GRIN2B: variants seen among roughly 807,000 people sequenced by gnomAD.
The protein encoded by GRIN2B is glutamate receptor ionotropic, NMDA 2B.
GRIN2B carries 5 observed loss-of-function variants against 114.5 expected under a neutral mutation model. The observed-to-expected ratio is 0.04, with a 90% CI of 0.02 to 0.09. The LOEUF (loss-of-function observed/expected upper bound fraction) is 0.09, where lower values mean the gene tolerates loss of function less well. GRIN2B is among the 10% of genes least tolerant of loss of function. The probability of loss-of-function intolerance (pLI) is 1.00; values close to 1 mark genes in which losing one functional copy is unlikely to be tolerated. For synonymous variants in GRIN2B, 787 were observed against 745.1 expected (o/e 1.06, Z -0.92); for missense variants, 1,108 against 1,943.5 (o/e 0.57, Z 8.08).
intron 2 of GRIN2B, among the ~76,000 whole-genome samples, chr12:13,947,831 G>A (rs1037623674): frequency 6.6e-6 from 1 of 152,136 alleles, no homozygotes; most frequent in Non-Finnish European, 1.5e-5. Context: ...GATGAGGCAT[G>A]AGTTGTTCTC....
Position 13,607,347 on chromosome 12 carries a change from TATAAA to T in GRIN2B, c.2010+1251_2010+1255del, listed in dbSNP as rs1949281147. Among the ~76,000 whole-genome samples, 3 of 43,238 alleles carry T rather than the reference TATAAA, an allele frequency of 6.9e-5. No homozygotes were observed. The Admixed American group carries it at 1.3e-3, about 19-fold the overall frequency. 28.4% of individuals were successfully genotyped at this position (43,238 alleles called of 152,430 possible). On this transcript the variant is annotated intron_variant, in intron 10 of 13. Coordinates refer to ENST00000609686, the MANE Select transcript of GRIN2B (RefSeq NM_000834.5). ...TATATAATATATATTATATATAATA[TATAAA>T]ATATATAATATATATTATATATTAT...
intron 8 of GRIN2B, 101 bp from the exon 9 acceptor site, chr12:13,611,951 A>T (rs1346388335): frequency 8.4e-7 from 1 of 1,196,546 alleles, no homozygotes; most frequent in Non-Finnish European, 1.2e-6. Flanking sequence ...TGGGGAACAA[A>T]CCACAATGTG....
chr12:13,580,036 A>C (rs1213028930), intron 10 of GRIN2B, among the ~76,000 whole-genome samples: 1 of 152,194 alleles, frequency 6.6e-6, no homozygotes, highest in Admixed American at 6.5e-5. Flanking sequence ...CTTGTTGAGA[A>C]GTCTTTAAGG....
intron 5 of GRIN2B, among the ~76,000 whole-genome samples, chr12:13,617,486 A>T (rs1949459496): frequency 6.6e-6 from 1 of 152,198 alleles, no homozygotes; most frequent in South Asian, 2.1e-4. Context: ...CCATCCTGAG[A>T]AATGTATGGG....
chr12:13,670,155 T>C (rs1047346127), intron 5 of GRIN2B: 1 of 152,068 alleles, frequency 6.6e-6, no homozygotes, highest in African/African-American at 2.4e-5. Flanking sequence ...ATTTCTAGTC[T>C]CTCCTTTACT....
At chr12:13,639,474 C>T (rs867078187) in intron 5 of GRIN2B, among the ~76,000 whole-genome samples, 12 of 152,164 alleles carry the variant, frequency 7.9e-5, no homozygotes, top group African/African-American at 2.4e-4. Flanking sequence ...CACTTCTCAA[C>T]GTTCAATGTC....
intron 10 of GRIN2B, among the ~76,000 whole-genome samples, chr12:13,594,575 A>G (rs1016747542): frequency 2.0e-5 from 3 of 151,728 alleles, no homozygotes; most frequent in Admixed American, 1.3e-4. Context: ...CCTAATGTAG[A>G]TGACAGGTTG....
intron 3 of GRIN2B, among the ~76,000 whole-genome samples, chr12:13,829,368 A>G (rs1214775361): frequency 1.3e-5 from 2 of 152,208 alleles, no homozygotes; most frequent in Non-Finnish European, 2.9e-5. Context: ...TGCATATACT[A>G]GGTACTCAAT....
intron 2 of GRIN2B, among the ~76,000 whole-genome samples, chr12:13,933,796 A>G (rs1028505322): frequency 6.6e-6 from 1 of 151,790 alleles, no homozygotes; most frequent in African/African-American, 2.4e-5. Context: ...GTGTGGAGCT[A>G]CTTGCTGTGG....
At chr12:13,897,330 A>G (rs1866370376) in intron 2 of GRIN2B, among the ~76,000 whole-genome samples, 1 of 152,162 alleles carries the variant, frequency 6.6e-6, no homozygotes, top group African/African-American at 2.4e-5. Flanking sequence ...CACTCTAAAT[A>G]AAAGACTCCC....
intron 3 of GRIN2B, among the ~76,000 whole-genome samples, chr12:13,756,876 C>T (rs1208290715): frequency 6.6e-6 from 1 of 152,192 alleles, no homozygotes; most frequent in Non-Finnish European, 1.5e-5. Context: ...ACTTGGCCCT[C>T]CCCTCTGTTA....
chr12:13,609,642 G>A (rs111877505), intron 9 of GRIN2B, among the ~76,000 whole-genome samples: 6 of 152,054 alleles, frequency 3.9e-5, no homozygotes, highest in East Asian at 1.9e-4. Context: ...GCGTGGTGGC[G>A]GGCGCCTGTA....
chr12:13,943,536 T>C (rs911237414), intron 2 of GRIN2B, among the ~76,000 whole-genome samples: 15 of 152,164 alleles, frequency 9.9e-5, no homozygotes, highest in African/African-American at 3.6e-4. Context: ...ACTACCTCCG[T>C]GATCTCATCT....
chr12:13,978,053 C>T (rs923779749), intron 2 of GRIN2B, among the ~76,000 whole-genome samples: 2 of 152,130 alleles, frequency 1.3e-5, no homozygotes, highest in African/African-American at 2.4e-5. Context: ...AAACCCATCA[C>T]CAACAAACGA....
At chr12:13,801,078 C>T (rs1252553791) in intron 3 of GRIN2B, among the ~76,000 whole-genome samples, 3 of 152,140 alleles carry the variant, frequency 2.0e-5, no homozygotes, top group African/African-American at 7.2e-5. Flanking sequence ...TCTGTCCCTA[C>T]TGCAGGAACA....
At chr12:13,766,261 C>T (rs763119536) in intron 3 of GRIN2B, among the ~76,000 whole-genome samples, 11 of 152,196 alleles carry the variant, frequency 7.2e-5, no homozygotes, top group East Asian at 1.9e-4. Flanking sequence ...AAATTATTGA[C>T]GATGTTCCTT....
intron 5 of GRIN2B, among the ~76,000 whole-genome samples, chr12:13,645,720 T>G (rs181507605): frequency 1.3e-5 from 2 of 152,090 alleles, no homozygotes; most frequent in East Asian, 3.9e-4. Context: ...CTTTCCCACT[T>G]GATATGGGAT....
At chr12:13,708,257 G>A (rs920189203) in intron 4 of GRIN2B, among the ~76,000 whole-genome samples, 8 of 152,012 alleles carry the variant, frequency 5.3e-5, no homozygotes, top group South Asian at 2.1e-4. Context: ...CACGCTTCCC[G>A]TAAGTTTTAT....
At chr12:13,979,145 A>G (rs1467117053) in intron 2 of GRIN2B, among the ~76,000 whole-genome samples, 1 of 152,218 alleles carries the variant, frequency 6.6e-6, no homozygotes, top group Non-Finnish European at 1.5e-5. Context: ...GTGTGGGTAT[A>G]AATAGATATG....
Sources: allele counts gnomAD v4.1 joint callset (sites outside exome capture counted in the v4.1 genomes callset), GRCh38; gene constraint gnomAD v4.1.1; transcripts MANE v1.5; gene names NCBI Gene and HGNC (gene_info 2026-07-23, HGNC 2026-07-21).